The following SNX24 variants were observed in gnomAD, a reference collection of about 807,000 sequenced individuals.
The protein encoded by SNX24 is sorting nexin 24.
A neutral mutation model predicts 28.7 loss-of-function variants in SNX24; 22 were observed. The ratio of observed to expected loss-of-function variants is 0.77; its 90% confidence interval spans 0.55 to 1.10. The LOEUF is 1.10. Ranked by LOEUF, SNX24 falls within the 50% of genes least tolerant of loss-of-function variation. The pLI is 0.00. For synonymous variants in SNX24, 69 were observed against 71.5 expected (o/e 0.96, Z 0.18); for missense variants, 221 against 201.1 (o/e 1.10, Z -0.60).
At chr5:122,896,860 G>C (rs372858136) in intron 1 of SNX24, among the ~76,000 whole-genome samples, 2 of 152,164 alleles carry the variant, frequency 1.3e-5, no homozygotes, top group African/African-American at 4.8e-5. Context: ...ACTCCCTTCA[G>C]CCAAACATTG....
chr5:122,877,499 T>G (rs1756277988), intron 1 of SNX24, among the ~76,000 whole-genome samples: 1 of 152,084 alleles, frequency 6.6e-6, no homozygotes, highest in Non-Finnish European at 1.5e-5. Flanking sequence ...CTGAAAAGAA[T>G]ATCTGGGCTT....
intron 1 of SNX24, among the ~76,000 whole-genome samples, chr5:122,902,526 A>G (rs1413555430): frequency 6.6e-6 from 1 of 151,718 alleles, no homozygotes; most frequent in Non-Finnish European, 1.5e-5. Flanking sequence ...CCCTCTAACA[A>G]CCTCCACCTG....
intron 3 of SNX24, among the ~76,000 whole-genome samples, chr5:122,965,084 C>T (rs1335231972): frequency 6.6e-6 from 1 of 152,198 alleles, no homozygotes; most frequent in Non-Finnish European, 1.5e-5. Flanking sequence ...AGAGTGAGCA[C>T]AGGACCCTTA....
chr5:122,873,612 A>G (rs570935494), intron 1 of SNX24, among the ~76,000 whole-genome samples: 6 of 152,174 alleles, frequency 3.9e-5, no homozygotes, highest in African/African-American at 1.2e-4. Context: ...CATCAGCTCC[A>G]ATATTTACTT....
intron 1 of SNX24, among the ~76,000 whole-genome samples, chr5:122,872,163 T>A (rs1021407983): frequency 6.6e-6 from 1 of 150,742 alleles, no homozygotes; most frequent in African/African-American, 2.4e-5. Flanking sequence ...GATTGCATAT[T>A]TAATTCACTG....
chr5:123,025,675 A>G, intron 5 of SNX24: 2 of 1,131,746 alleles, frequency 1.8e-6, no homozygotes, highest in South Asian at 2.9e-5. Flanking sequence ...GAGGCCAGTC[A>G]GCTATATAAT....
chr5:122,922,400 G>A (rs1166267202), intron 1 of SNX24, among the ~76,000 whole-genome samples: 3 of 151,916 alleles, frequency 2.0e-5, no homozygotes, highest in African/African-American at 7.3e-5. Context: ...TTACAGGCAC[G>A]TGCCATCATG....
intron 2 of SNX24, among the ~76,000 whole-genome samples, chr5:122,937,428 C>G (rs1415621698): frequency 6.6e-6 from 1 of 152,152 alleles, no homozygotes; most frequent in Non-Finnish European, 1.5e-5. Flanking sequence ...AAAGGAAGAG[C>G]TTTGGGGAGA....
intron 3 of SNX24, among the ~76,000 whole-genome samples, chr5:122,980,256 G>A (rs2150155687): frequency 6.6e-6 from 1 of 152,106 alleles, no homozygotes; most frequent in African/African-American, 2.4e-5. Context: ...GCCCATAATA[G>A]CAGAACTCTG....
intron 3 of SNX24, among the ~76,000 whole-genome samples, chr5:122,984,709 C>G (rs975487769): frequency 4.6e-5 from 7 of 152,170 alleles, no homozygotes; most frequent in Non-Finnish European, 7.3e-5. Context: ...AAATTGTACT[C>G]AAGACAGATT....
intron 3 of SNX24, among the ~76,000 whole-genome samples, chr5:122,955,324 T>C (rs1760156540): frequency 6.6e-6 from 1 of 152,220 alleles, no homozygotes; most frequent in Admixed American, 6.5e-5. Flanking sequence ...CACTGAAAAG[T>C]TTTTATTGTG....
At chr5:122,991,459 T>G (rs1413764063) in intron 3 of SNX24, among the ~76,000 whole-genome samples, 1 of 152,130 alleles carries the variant, frequency 6.6e-6, no homozygotes, top group East Asian at 1.9e-4. Context: ...TTGTTTTGTT[T>G]AGTTTTGTTC....
At chr5:122,998,533 A>G (rs1762130216) in intron 3 of SNX24, among the ~76,000 whole-genome samples, 1 of 152,142 alleles carries the variant, frequency 6.6e-6, no homozygotes, top group Non-Finnish European at 1.5e-5. Context: ...TTAAGCTTCC[A>G]TGGGAATGGT....
At chr5:123,007,365 A>G (rs1188670055) in intron 6 of SNX24, among the ~76,000 whole-genome samples, 2 of 152,238 alleles carry the variant, frequency 1.3e-5, no homozygotes, top group African/African-American at 4.8e-5. Flanking sequence ...TGCCAGTGTA[A>G]TCCATCTTCC....
chr5:122,896,464 G>A (rs1477688317), intron 1 of SNX24, among the ~76,000 whole-genome samples: 1 of 152,204 alleles, frequency 6.6e-6, no homozygotes, highest in Non-Finnish European at 1.5e-5. Flanking sequence ...GGCGAATGCT[G>A]TCCTACCATG....
intron 3 of SNX24, among the ~76,000 whole-genome samples, chr5:122,954,049 G>T (rs1760084908): frequency 6.6e-6 from 1 of 152,076 alleles, no homozygotes; most frequent in Non-Finnish European, 1.5e-5. Flanking sequence ...AGTATGATAT[G>T]TACCGTTGGG....
intron 2 of SNX24, among the ~76,000 whole-genome samples, chr5:122,942,798 A>T (rs1218035354): frequency 6.6e-6 from 1 of 152,174 alleles, no homozygotes; most frequent in Non-Finnish European, 1.5e-5. Flanking sequence ...TACTGGAAAC[A>T]TATTGTCTCG....
intron 3 of SNX24, among the ~76,000 whole-genome samples, chr5:122,979,900 T>G (rs891690182): frequency 1.3e-5 from 2 of 152,240 alleles, no homozygotes; most frequent in Admixed American, 1.3e-4. Context: ...CAACCACATT[T>G]GTTTTTAAAA....
At chr5:122,927,842 T>C (rs1411336415) in intron 1 of SNX24, among the ~76,000 whole-genome samples, 1 of 152,140 alleles carries the variant, frequency 6.6e-6, no homozygotes, top group African/African-American at 2.4e-5. Flanking sequence ...CATCTCCACG[T>C]CATGTCTAAT....
Sources: allele counts gnomAD v4.1 joint callset (sites outside exome capture counted in the v4.1 genomes callset), GRCh38; gene constraint gnomAD v4.1.1; transcripts MANE v1.5; gene names NCBI Gene and HGNC (gene_info 2026-07-23, HGNC 2026-07-21).